The following EIF4G3 variants were observed in gnomAD, a reference collection of about 807,000 sequenced individuals.
EIF4G3 encodes eIF-4-gamma 3.
Under a neutral mutation model 186.4 loss-of-function variants are expected in EIF4G3, and 34 were observed. The ratio of observed to expected loss-of-function variants is 0.18; its 90% CI spans 0.14 to 0.24. The LOEUF is 0.24. Ranked by LOEUF, EIF4G3 falls within the 10% of genes least tolerant of loss-of-function variation. EIF4G3 has a pLI of 1.00. For missense variants in EIF4G3, 1,536 were observed against 1,948.5 expected (o/e 0.79, Z 3.99); for synonymous variants, 673 against 679.5 (o/e 0.99, Z 0.15).
intron 2 of EIF4G3, among the ~76,000 whole-genome samples, chr1:21,130,167 T>G (rs989763201): frequency 6.7e-6 from 1 of 149,580 alleles, no homozygotes; most frequent in Non-Finnish European, 1.5e-5. Context: ...GAGGATCACA[T>G]GAGCCCAAGA....
Position 20,814,756 on chromosome 1 carries a change from TCCCCCTCCCCCTCCCCCTCCCCCTC to T in EIF4G3, c.4516-1542_4516-1518del, listed in dbSNP as rs2060039246. Among the ~76,000 whole-genome samples, 3 of 23,684 alleles carry T rather than the reference TCCCCCTCCCCCTCCCCCTCCCCCTC, an allele frequency of 1.3e-4. 1 individual carries two copies. Among genetic ancestry groups the T allele is most frequent in the African/African-American group, 5.3e-4 (3 of 5,644 alleles). The allele number at this position is 23,684 out of a possible 152,430, so 15.5% of individuals were successfully genotyped here. A position where few individuals can be genotyped will look rare whatever the true frequency, so the allele number is the denominator to read the frequency against. The stretch of plus-strand genomic sequence containing the variant: ...TTAAGGTTAAAAATTCATCTCCCCC[TCCCCCTCCCCCTCCCCCTCCCCCTC>T]CCCCTCTCCCTCTCCCCACAGTCTC... On this transcript the variant is annotated intron_variant, in intron 34 of 36. Coordinates refer to ENST00000602326, the MANE Select transcript of EIF4G3 (RefSeq NM_001391906.1).
intron 12 of EIF4G3, among the ~76,000 whole-genome samples, chr1:20,966,077 C>T (rs552727777): frequency 1.3e-4 from 20 of 152,326 alleles, no homozygotes; most frequent in South Asian, 8.3e-4. Flanking sequence ...TTGGTCACCT[C>T]TGCACCAGTC....
At chr1:21,132,989 G>A (rs182957777) in intron 2 of EIF4G3, among the ~76,000 whole-genome samples, 1 of 151,864 alleles carries the variant, frequency 6.6e-6, no homozygotes, top group East Asian at 2.0e-4. Flanking sequence ...TCACCATGTT[G>A]TCCAGGCTAG....
intron 9 of EIF4G3, 135 bp downstream of exon 9, chr1:20,980,913 G>C: frequency 1.6e-6 from 1 of 634,982 alleles, no homozygotes; most frequent in Non-Finnish European, 2.4e-6. Flanking sequence ...AAAAGGGCTA[G>C]ATTTGTAACC....
intron 12 of EIF4G3, among the ~76,000 whole-genome samples, chr1:20,960,447 C>A (rs568431661): frequency 6.6e-6 from 1 of 152,006 alleles, no homozygotes; most frequent in African/African-American, 2.4e-5. Flanking sequence ...GCCTGGGCAA[C>A]AGAGACTCTG....
At chr1:21,137,807 C>T (rs377267627) in intron 2 of EIF4G3, among the ~76,000 whole-genome samples, 1 of 141,842 alleles carries the variant, frequency 7.1e-6, no homozygotes, top group African/African-American at 2.6e-5. Flanking sequence ...CAACAGAAGA[C>T]CCTGTCTCAA....
chr1:21,022,978 A>G (rs577461672), intron 4 of EIF4G3, among the ~76,000 whole-genome samples: 17 of 152,344 alleles, frequency 1.1e-4, no homozygotes, highest in African/African-American at 4.1e-4. Flanking sequence ...GCTAATTAGT[A>G]GTACCCTCAG....
intron 28 of EIF4G3, among the ~76,000 whole-genome samples, chr1:20,849,868 A>G (rs1056862249): frequency 1.1e-4 from 16 of 152,210 alleles, no homozygotes; most frequent in Admixed American, 3.9e-4. Context: ...CCTGCTCGCC[A>G]CTAAGCTTGA....
intron 2 of EIF4G3, among the ~76,000 whole-genome samples, chr1:21,158,467 C>T (rs1328877572): frequency 6.6e-6 from 1 of 152,070 alleles, no homozygotes; most frequent in Non-Finnish European, 1.5e-5. Context: ...TGAGCCAACA[C>T]ACCAAGCCAA....
intron 14 of EIF4G3, among the ~76,000 whole-genome samples, chr1:20,922,566 G>T (rs915875258): frequency 9.9e-5 from 15 of 152,140 alleles, no homozygotes; most frequent in African/African-American, 3.4e-4. Context: ...CAAAGTACTG[G>T]GATTACAGGC....
intron 32 of EIF4G3, among the ~76,000 whole-genome samples, chr1:20,826,793 G>A (rs1038505053): frequency 3.9e-5 from 6 of 152,122 alleles, no homozygotes; most frequent in Admixed American, 2.6e-4. Flanking sequence ...CGGCCAGAAT[G>A]TGAGTTTTAA....
chr1:21,133,572 C>T (rs1330687912), intron 2 of EIF4G3, among the ~76,000 whole-genome samples: 1 of 152,138 alleles, frequency 6.6e-6, no homozygotes, highest in Admixed American at 6.6e-5. Context: ...GGTTTGGAGT[C>T]CCACTGGCTC....
chr1:21,168,341 T>C (rs548281156), intron 2 of EIF4G3, among the ~76,000 whole-genome samples: 2 of 151,516 alleles, frequency 1.3e-5, no homozygotes, highest in East Asian at 2.0e-4. Context: ...GAGGCCAAGG[T>C]TGCAGTGAGC....
chr1:20,941,766 G>C lies in EIF4G3; in HGVS notation c.1388C>G (p.Thr463Ser). The C allele has an allele frequency of 6.2e-7, 1 of 1,612,052 alleles. No homozygotes were observed. The highest frequency in any genetic ancestry group is 8.5e-7 in the Non-Finnish European group (1 of 1,178,866). Reference protein sequence around the residue: ...MKLECIPAPITPSTVPSFPPT... With the variant: ...MKLECIPAPISPSTVPSFPPT... ...AGGAAAGGAAGGAACTGTGGAAGGG[G>C]TGATGGGAGCTGGGATACACTCCAG... The change falls in exon 14 of 37, where the codon ACC becomes AGC. Residue 463 changes from threonine (T) to serine (S), a missense_variant. Thr to Ser is a moderately conservative substitution (Grantham distance 58). Around this residue, in one of 11 missense-constraint regions of EIF4G3, gnomAD observed 560 missense variants for 547.8 expected, o/e 1.02. Transcript: ENST00000602326.
chr1:21,166,392 T>C (rs1251565509), intron 2 of EIF4G3, among the ~76,000 whole-genome samples: 2 of 151,972 alleles, frequency 1.3e-5, no homozygotes, highest in Non-Finnish European at 2.9e-5. Flanking sequence ...ATTATGCCAC[T>C]ACACTCCAGC....
intron 24 of EIF4G3, 78 bp downstream of exon 24, chr1:20,860,307 T>G: frequency 1.9e-6 from 3 of 1,578,998 alleles, no homozygotes; most frequent in Non-Finnish European, 2.6e-6. Context: ...GATCTCATTT[T>G]ATACCTAAAT....
chr1:20,872,128 TAC>T (rs2079383284), intron 20 of EIF4G3, among the ~76,000 whole-genome samples: 1 of 152,058 alleles, frequency 6.6e-6, no homozygotes, highest in Admixed American at 6.6e-5. Flanking sequence ...TGTGTGTGTA[TAC>T]ACATATATTA....
chr1:21,089,022 T>A (rs1245189497), intron 3 of EIF4G3, 116 bp downstream of exon 3: 1 of 633,234 alleles, frequency 1.6e-6, no homozygotes, highest in African/African-American at 1.8e-5. Flanking sequence ...CAGAATTTTA[T>A]TGAACTTTTT....
At chr1:21,165,207 T>G (rs1468195047) in intron 2 of EIF4G3, among the ~76,000 whole-genome samples, 1 of 152,162 alleles carries the variant, frequency 6.6e-6, no homozygotes, top group Non-Finnish European at 1.5e-5. Context: ...GCAGAAAAAC[T>G]GAAATCCTCA....
Sources: allele counts gnomAD v4.1 joint callset (sites outside exome capture counted in the v4.1 genomes callset), GRCh38; gene constraint gnomAD v4.1.1; regional missense constraint gnomAD v4.1.1; transcripts MANE v1.5; gene names NCBI Gene and HGNC (gene_info 2026-07-23, HGNC 2026-07-21).